Variants in ADAM12 observed in about 807,000 individuals in gnomAD.
The protein encoded by ADAM12 is ADAM metallopeptidase domain 12, also known as disintegrin and metalloproteinase domain-containing protein 12.
A neutral mutation model predicts 106.4 loss-of-function variants in ADAM12; 70 were observed. The observed-to-expected ratio is 0.66, with a 90% CI of 0.54 to 0.80. The LOEUF (loss-of-function observed/expected upper bound fraction) is 0.80. Ranked by LOEUF, ADAM12 falls within the 30% of genes least tolerant of loss-of-function variation. The pLI, the probability that ADAM12 is intolerant of heterozygous loss-of-function variation, is 0.00. For missense variants in ADAM12, 1,010 were observed against 1,171.9 expected (o/e 0.86, Z 2.02); for synonymous variants, 420 against 433.5 (o/e 0.97, Z 0.39).
At chr10:126,318,590 T>A (rs1056621665) in intron 2 of ADAM12, among the ~76,000 whole-genome samples, 1 of 121,934 alleles carries the variant, frequency 8.2e-6, no homozygotes. Context: ...ACCCACACAC[T>A]CTCTCACACA....
Position 126,100,829 on chromosome 10 carries a change from A to C in ADAM12, c.911+243T>G, listed in dbSNP as rs572746151. On this transcript the variant is annotated intron_variant, in intron 9 of 22. Transcript: ENST00000448723. ...GAAGAAAATGTCCGGGTTCTAGAAG[A>C]AGGAAATGAGAGTTCTGTAGAGGGA... Among the ~76,000 whole-genome samples the C allele has an allele frequency of 2.6e-5, 4 of 152,352 alleles. No homozygotes were observed. In the South Asian group the frequency reaches 8.3e-4, roughly 32 times the overall value.
intron 21 of ADAM12, among the ~76,000 whole-genome samples, chr10:126,022,155 G>T (rs1026828054): frequency 1.3e-5 from 2 of 152,176 alleles, no homozygotes; most frequent in African/African-American, 2.4e-5. Context: ...GAGATAGTTA[G>T]GTTAGCCATT....
At chr10:126,096,569 T>G (rs1007341591) in intron 10 of ADAM12, among the ~76,000 whole-genome samples, 2 of 152,242 alleles carry the variant, frequency 1.3e-5, no homozygotes, top group Admixed American at 6.5e-5. Flanking sequence ...GCTACATTGA[T>G]TCCTTCCTCT....
rs193285020 is a variant in ADAM12 at position 126,154,743 on chromosome 10, G to A, written c.339+484C>T. On this transcript the variant is annotated intron_variant, in intron 4 of 22. Transcript: ENST00000448723. The stretch of plus-strand genomic sequence containing the variant: ...TAAAAGTTCAAATACCAGAAACACT[G>A]CCTGAGAGGGGATAAATGTCATGTT... Among the ~76,000 whole-genome samples the A allele has an allele frequency of 5.0e-4, 76 of 152,280 alleles. 1 individual carries two copies. Among genetic ancestry groups the A allele is most frequent in the Non-Finnish European group, 7.5e-4 (51 of 68,026 alleles).
intron 2 of ADAM12, among the ~76,000 whole-genome samples, chr10:126,289,289 C>T (rs963757504): frequency 6.6e-6 from 1 of 152,250 alleles, no homozygotes; most frequent in African/African-American, 2.4e-5. Flanking sequence ...GGCATCTCTG[C>T]CAGCACCTGG....
At chr10:126,126,420 C>T (rs568488447) in intron 5 of ADAM12, among the ~76,000 whole-genome samples, 7 of 152,142 alleles carry the variant, frequency 4.6e-5, no homozygotes, top group Non-Finnish European at 8.8e-5. Flanking sequence ...TCCCTTTACA[C>T]ACCCAGGGAA....
chr10:126,182,197 T>G (rs1471165959), intron 3 of ADAM12, among the ~76,000 whole-genome samples: 1 of 152,130 alleles, frequency 6.6e-6, no homozygotes. Context: ...CAGAATTATA[T>G]ACCAAAAACA....
chr10:126,083,098 A>G (rs1364967587), intron 11 of ADAM12, among the ~76,000 whole-genome samples: 5 of 152,176 alleles, frequency 3.3e-5, no homozygotes, highest in Non-Finnish European at 7.4e-5. Flanking sequence ...CAAGGAGGTC[A>G]TCTCATTTTA....
chr10:126,068,313 C>G (rs2133489058), intron 12 of ADAM12, among the ~76,000 whole-genome samples: 1 of 152,276 alleles, frequency 6.6e-6, no homozygotes, highest in East Asian at 1.9e-4. Context: ...TACCAAATTA[C>G]AAGTTTTCTT....
intron 2 of ADAM12, among the ~76,000 whole-genome samples, chr10:126,284,140 C>T (rs1193315229): frequency 1.3e-5 from 2 of 151,960 alleles, no homozygotes; most frequent in African/African-American, 4.8e-5. Context: ...TGAGACCAGC[C>T]TGGCCAATAT....
intron 3 of ADAM12, among the ~76,000 whole-genome samples, chr10:126,190,906 A>G (rs11816022): frequency 0.021 from 3,083 of 147,662 alleles, 117 homozygotes; most frequent in African/African-American, 0.072. Context: ...ATAATGCTGG[A>G]GAGGTTGACA....
At chr10:126,351,899 T>C (rs111282341) in intron 1 of ADAM12, among the ~76,000 whole-genome samples, 50 of 151,770 alleles carry the variant, frequency 3.3e-4, no homozygotes, top group African/African-American at 1.2e-3. Flanking sequence ...ACAGGAAGAG[T>C]GGACTGAGAA....
intron 2 of ADAM12, among the ~76,000 whole-genome samples, chr10:126,325,058 T>C (rs904660643): frequency 2.0e-5 from 3 of 151,806 alleles, no homozygotes; most frequent in African/African-American, 4.8e-5. Context: ...TCATCAGAAG[T>C]GGGGCCACAA....
chr10:126,024,506 A>C lies in ADAM12; in HGVS notation c.2530-4681T>G, dbSNP rs182259514. Among the ~76,000 whole-genome samples, 17 of 152,366 alleles carry C rather than the reference A, an allele frequency of 1.1e-4. No homozygotes were observed. The East Asian group carries it at 3.3e-3, about 29-fold the overall frequency. On this transcript the variant is annotated intron_variant, in intron 21 of 22. Transcript: ENST00000448723. Reference sequence around the variant, plus strand: ...AAAATATACACTACAAATTGGAACCAGTGAGCAAGGTGTAAAGCAATGTTT... The same window carrying C: ...AAAATATACACTACAAATTGGAACCCGTGAGCAAGGTGTAAAGCAATGTTT...
At chr10:126,183,944 T>C (rs1169318293) in intron 3 of ADAM12, among the ~76,000 whole-genome samples, 1 of 152,272 alleles carries the variant, frequency 6.6e-6, no homozygotes, top group African/African-American at 2.4e-5. Context: ...TAAATGTTTA[T>C]GTAACACAAT....
At chr10:126,288,594 C>T (rs12221022) in intron 2 of ADAM12, among the ~76,000 whole-genome samples, 35,156 of 151,602 alleles carry the variant, frequency 0.23, 4,250 homozygotes, top group South Asian at 0.33. Context: ...ATGTGGTGGC[C>T]TCAGGAACAG....
chr10:126,118,299 A>G, intron 5 of ADAM12, 75 bp from the exon 6 acceptor site: 7 of 1,048,512 alleles, frequency 6.7e-6, no homozygotes, highest in Non-Finnish European at 9.5e-6. Context: ...CACAGTTCTT[A>G]ACAAGAGAGA....
chr10:126,156,102 A>AACC (rs1436316590), intron 3 of ADAM12, among the ~76,000 whole-genome samples: 4 of 152,160 alleles, frequency 2.6e-5, no homozygotes, highest in African/African-American at 9.7e-5. Flanking sequence ...TTTCCTGTGT[A>AACC]ACTACCGCTG....
chr10:126,135,406 G>A (rs1460868406), intron 5 of ADAM12, 178 bp downstream of exon 5: 3 of 601,358 alleles, frequency 5.0e-6, no homozygotes, highest in Non-Finnish European at 5.9e-6. Flanking sequence ...ATCCTGGGTG[G>A]CCATGCTCTT....
Sources: allele counts gnomAD v4.1 joint callset (sites outside exome capture counted in the v4.1 genomes callset), GRCh38; gene constraint gnomAD v4.1.1; transcripts MANE v1.5; gene names NCBI Gene and HGNC (gene_info 2026-07-23, HGNC 2026-07-21).